GCNT1: variants seen among roughly 807,000 people sequenced by gnomAD.
GCNT1 encodes beta-1,3-galactosyl-O-glycosyl-glycoprotein beta-1,6-N-acetylglucosaminyltransferase.
GCNT1 carries 16 observed loss-of-function variants against 26.2 expected under a neutral mutation model. The ratio of observed to expected loss-of-function variants is 0.61; its 90% CI spans 0.41 to 0.93. The LOEUF is 0.93. Ranked by LOEUF, GCNT1 falls within the 40% of genes least tolerant of loss-of-function variation. The probability of loss-of-function intolerance (pLI) is 0.00; values close to 1 mark genes in which losing one functional copy is unlikely to be tolerated. For missense variants in GCNT1, 477 were observed against 526.7 expected, an observed-to-expected ratio of 0.91 and a Z score of 0.92; for synonymous variants, 183 against 190.8, an observed-to-expected ratio of 0.96 and a Z score of 0.34.
At chr9:76,407,315 C>CT in the GCNT1 span, among the ~76,000 whole-genome samples, 310 of 149,236 alleles carry the variant, frequency 2.1e-3, no homozygotes, top group African/African-American at 6.5e-3. Flanking sequence ...TGTCTAGATT[C>CT]TTTTTTTTTT....
intron 1 of GCNT1, among the ~76,000 whole-genome samples, chr9:76,433,312 G>A (rs185027715): frequency 1.3e-5 from 2 of 152,310 alleles, no homozygotes; most frequent in African/African-American, 4.8e-5. Context: ...CTGGAGTGGG[G>A]CAATGGGACT....
chr9:76,481,065 C>T (rs1824409285), intron 2 of GCNT1, among the ~76,000 whole-genome samples: 1 of 152,026 alleles, frequency 6.6e-6, no homozygotes, highest in Non-Finnish European at 1.5e-5. Flanking sequence ...ATGGTGAAAC[C>T]CCATGTCTAC....
chr9:76,478,033 GC>G (rs1824296391), intron 2 of GCNT1, among the ~76,000 whole-genome samples: 1 of 152,164 alleles, frequency 6.6e-6, no homozygotes, highest in South Asian at 2.1e-4. Context: ...GCACCAATCA[GC>G]GCTTTGTAAA....
chr9:76,481,049 G>A (rs919485650), intron 2 of GCNT1, among the ~76,000 whole-genome samples: 2 of 152,112 alleles, frequency 1.3e-5, no homozygotes, highest in African/African-American at 2.4e-5. Flanking sequence ...AACCAGCCTG[G>A]CTAACATGGT....
At chr9:76,495,434 G>A (rs988709236) in intron 2 of GCNT1, among the ~76,000 whole-genome samples, 1 of 152,176 alleles carries the variant, frequency 6.6e-6, no homozygotes, top group African/African-American at 2.4e-5. Flanking sequence ...ATTGTGAAGA[G>A]CAAAAGAACA....
chr9:76,394,417 C>G, the GCNT1 span: 1 of 429,872 alleles, frequency 2.3e-6, no homozygotes, highest in Non-Finnish European at 4.1e-6. Flanking sequence ...CGGAGACAGC[C>G]GAAGTAAGTG....
chr9:76,494,079 C>T (rs1041990613), intron 2 of GCNT1, among the ~76,000 whole-genome samples: 2 of 152,070 alleles, frequency 1.3e-5, no homozygotes, highest in African/African-American at 4.8e-5. Context: ...CCCCGCCCCC[C>T]ACCAAGAACC....
chr9:76,458,366 T>C (rs1228642354), upstream of GCNT1, among the ~76,000 whole-genome samples: 2 of 152,018 alleles, frequency 1.3e-5, no homozygotes, highest in East Asian at 3.9e-4. Context: ...GTATATTTAG[T>C]AGAGACGCGG....
intron 1 of GCNT1, among the ~76,000 whole-genome samples, chr9:76,427,499 CA>C (rs1479248967): frequency 3.9e-5 from 6 of 151,962 alleles, no homozygotes; most frequent in Non-Finnish European, 7.4e-5. Context: ...ATACTTCTGA[CA>C]GGGGTATAAA....
At chr9:76,477,607 G>A (rs1824284115) in intron 2 of GCNT1, among the ~76,000 whole-genome samples, 1 of 151,956 alleles carries the variant, frequency 6.6e-6, no homozygotes, top group Non-Finnish European at 1.5e-5. Flanking sequence ...TCACGTCGTA[G>A]TAAGACAGCT....
At chr9:76,436,884 C>T (rs1354501670), upstream of GCNT1, among the ~76,000 whole-genome samples, 1 of 152,100 alleles carries the variant, frequency 6.6e-6, no homozygotes, top group Non-Finnish European at 1.5e-5. Flanking sequence ...TGCATGTTCT[C>T]ACTCATAGGT....
At chr9:76,436,999 C>T (rs941904533), upstream of GCNT1, among the ~76,000 whole-genome samples, 3 of 151,886 alleles carry the variant, frequency 2.0e-5, no homozygotes, top group African/African-American at 7.3e-5. Flanking sequence ...AGGAGATATA[C>T]CTAATGTAAA....
intron 2 of GCNT1, among the ~76,000 whole-genome samples, chr9:76,475,641 A>G (rs1824237844): frequency 6.6e-6 from 1 of 152,252 alleles, no homozygotes. Flanking sequence ...AAGCACCCAC[A>G]TGGATAGCTT....
intron 2 of GCNT1, among the ~76,000 whole-genome samples, chr9:76,466,779 C>A (rs1167762112): frequency 6.6e-6 from 1 of 152,122 alleles, no homozygotes; most frequent in African/African-American, 2.4e-5. Context: ...ATCGTGAGGA[C>A]TTTTTCTGAA....
the GCNT1 span, chr9:76,394,440 G>C: frequency 5.2e-6 from 2 of 380,968 alleles, no homozygotes; most frequent in East Asian, 4.7e-5. Flanking sequence ...GGGTGTGAGC[G>C]GGGTGGGGGG....
rs1825245819 is a variant in GCNT1, at chr9:76,506,626, A to C, written c.*2958A>C. ...TAATGAGTATTGCATCAAGATTTACATCTTTCTTACTAAGGAAAAGAGTTA... is the reference window on the plus strand; with the variant it reads ...TAATGAGTATTGCATCAAGATTTACCTCTTTCTTACTAAGGAAAAGAGTTA... On this transcript the variant is annotated 3_prime_UTR_variant, in exon 4 of 4. Coordinates refer to ENST00000376730, the MANE Select transcript of GCNT1 (RefSeq NM_001490.5). The C allele has an allele frequency of 6.0e-6, 1 of 167,074 alleles. No individual in the cohort carries two copies. The highest frequency in any genetic ancestry group is 1.5e-5 in the Non-Finnish European group (1 of 68,110). The allele number at this position is 167,074 out of a possible 1,614,324, so 10.3% of individuals were successfully genotyped here.
At chr9:76,473,830 C>T (rs1824195270) in intron 2 of GCNT1, among the ~76,000 whole-genome samples, 1 of 152,162 alleles carries the variant, frequency 6.6e-6, no homozygotes, top group African/African-American at 2.4e-5. Context: ...GGACTGGGCA[C>T]AGTGGCTCAC....
upstream of GCNT1, among the ~76,000 whole-genome samples, chr9:76,439,223 C>CTTTTTTTTTTTTT (rs71499153): frequency 6.4e-4 from 77 of 120,120 alleles, no homozygotes; most frequent in East Asian, 9.6e-4. Flanking sequence ...TTTTCTTTTT[C>CTTTTTTTTTTTTT]TTTTTTTTTT....
rs1564225868 is a variant in GCNT1 at position 76,443,939 on chromosome 9, AAGGAAGGAAGG to A, written c.-290+1626_-290+1636del. Among the ~76,000 whole-genome samples, 325 of 62,552 alleles carry A rather than the reference AAGGAAGGAAGG, an allele frequency of 5.2e-3. 2 individuals are homozygous for A. The highest frequency in any genetic ancestry group is 0.014 in the African/African-American group (247 of 17,048). 41.0% of individuals were successfully genotyped at this position (62,552 alleles called of 152,430 possible). On this transcript the variant is annotated intron_variant, in intron 1 of 2. Transcript: ENST00000442371. ...AAAGGAAGAAAGGAAGAAAGGAAGG[AAGGAAGGAAGG>A]AAGGAAGGAAGGAAGGAAGGAAGGA... is the stretch of plus-strand genomic sequence containing the variant.
Sources: allele counts gnomAD v4.1 joint callset (sites outside exome capture counted in the v4.1 genomes callset), GRCh38; gene constraint gnomAD v4.1.1; transcripts MANE v1.5; gene names NCBI Gene and HGNC (gene_info 2026-07-23, HGNC 2026-07-21).